Variants in JARID2 observed in about 807,000 individuals in gnomAD.
JARID2 encodes protein Jumonji.
JARID2 carries 21 observed loss-of-function variants against 125.6 expected under a neutral mutation model. The observed-to-expected ratio is 0.17, with a 90% confidence interval of 0.12 to 0.24. The LOEUF is 0.24. Among genes scored for constraint, JARID2 ranks in the 10% least tolerant of loss-of-function variants. The pLI, the probability that JARID2 is intolerant of heterozygous loss-of-function variation, is 1.00. For synonymous variants in JARID2, 736 were observed against 661.6 expected (o/e 1.11, Z -1.73); for missense variants, 1,303 against 1,639.6 (o/e 0.79, Z 3.55).
intron 7 of JARID2, among the ~76,000 whole-genome samples, chr6:15,498,941 C>T (rs996894443): frequency 6.6e-6 from 1 of 152,210 alleles, no homozygotes; most frequent in Non-Finnish European, 1.5e-5. Context: ...TTCCAAGTTT[C>T]CCTCCTCTGC....
intron 1 of JARID2, among the ~76,000 whole-genome samples, chr6:15,329,153 G>A (rs1762624372): frequency 6.6e-6 from 1 of 150,628 alleles, no homozygotes; most frequent in Admixed American, 6.6e-5. Flanking sequence ...ATTGAATGAG[G>A]CAGAAACAAA....
At chr6:15,504,662 G>A (rs891348606) in intron 9 of JARID2, 70 bp downstream of exon 9, 1 of 986,666 alleles carries the variant, frequency 1.0e-6, no homozygotes, top group Non-Finnish European at 1.6e-6. Flanking sequence ...AGGACATCCT[G>A]TCCTGCCCTG....
intron 3 of JARID2, among the ~76,000 whole-genome samples, chr6:15,450,148 CTT>C (rs760743725): frequency 2.0e-5 from 3 of 151,978 alleles, no homozygotes; most frequent in Non-Finnish European, 2.9e-5. Flanking sequence ...CATCTGCTCT[CTT>C]TTACTTACTT....
chr6:15,338,056 C>T (rs755380733), intron 1 of JARID2, among the ~76,000 whole-genome samples: 7 of 152,130 alleles, frequency 4.6e-5, no homozygotes, highest in East Asian at 1.9e-4. Context: ...CTCAGTTTGC[C>T]GACAGCAGGG....
At chr6:15,403,889 G>A (rs1765541276) in intron 2 of JARID2, among the ~76,000 whole-genome samples, 1 of 152,122 alleles carries the variant, frequency 6.6e-6, no homozygotes, top group African/African-American at 2.4e-5. Flanking sequence ...CAAATCTTGG[G>A]ACTGTTTTAA....
At chr6:15,277,706 A>G (rs562505196) in intron 1 of JARID2, among the ~76,000 whole-genome samples, 2 of 152,144 alleles carry the variant, frequency 1.3e-5, no homozygotes, top group South Asian at 4.1e-4. Context: ...TCACCTGTTT[A>G]AAAGTAGTTA....
chr6:15,280,148 T>TA (rs888508023), intron 1 of JARID2, among the ~76,000 whole-genome samples: 1 of 152,104 alleles, frequency 6.6e-6, no homozygotes, highest in Non-Finnish European at 1.5e-5. Context: ...GGTTATCCAT[T>TA]AAAAAAGGGT....
In JARID2 at chr6:15,511,288, T is replaced by C. The variant is rs781219801; in HGVS notation, c.2847-8T>C. On this transcript the variant is annotated splice_polypyrimidine_tract_variant and splice_region_variant and intron_variant, in intron 12 of 17. Transcript: ENST00000341776. Reference sequence around the variant, plus strand: ...TCTGCTTGTCTCTTGTGTCTCTCAATGACCCAGGTATTGCATTCCTGCTGA... The same window carrying C: ...TCTGCTTGTCTCTTGTGTCTCTCAACGACCCAGGTATTGCATTCCTGCTGA... 6.3e-7 allele frequency: 1 copy of C among 1,599,798 alleles called. No individual in the cohort carries two copies. The highest frequency in any genetic ancestry group is 8.6e-7 in the Non-Finnish European group (1 of 1,167,016).
Position 15,520,387 on chromosome 6 carries a change from A to G in JARID2, c.*136A>G. Reference sequence around the variant, plus strand: ...ATTTTCTTCTGGTTTTAGAGAACTAATTTTGTTTTAGCATTAAACTGTTGA... The same window carrying G: ...ATTTTCTTCTGGTTTTAGAGAACTAGTTTTGTTTTAGCATTAAACTGTTGA... On this transcript the variant is annotated 3_prime_UTR_variant, in exon 18 of 18. Transcript: ENST00000341776. 1.4e-6 allele frequency: 1 copy of G among 696,560 alleles called. No homozygotes were observed. 43.1% of individuals were successfully genotyped at this position (696,560 alleles called of 1,614,324 possible).
chr6:15,279,552 C>T (rs1211522193), intron 1 of JARID2, among the ~76,000 whole-genome samples: 1 of 152,190 alleles, frequency 6.6e-6, no homozygotes, highest in Non-Finnish European at 1.5e-5. Flanking sequence ...TTTATAAAAG[C>T]CTTTACTTCC....
intron 1 of JARID2, among the ~76,000 whole-genome samples, chr6:15,353,762 A>T (rs1237952682): frequency 6.6e-6 from 1 of 152,196 alleles, no homozygotes; most frequent in Non-Finnish European, 1.5e-5. Context: ...TTTCAATCAA[A>T]ACAATTACTT....
intron 4 of JARID2, among the ~76,000 whole-genome samples, chr6:15,457,593 A>T (rs961784174): frequency 2.0e-5 from 3 of 149,122 alleles, no homozygotes; most frequent in Non-Finnish European, 3.0e-5. Context: ...GTTGCTAAGG[A>T]TCCAGGTCTT....
chr6:15,512,197 T>C lies in JARID2; in HGVS notation c.2953-11T>C. Reference sequence around the variant, plus strand: ...AGGGAGGGGTGCCTCAGCCTGGCCCTGTCTCCCCAGATCTCCCCGGAGGTG... The same window carrying C: ...AGGGAGGGGTGCCTCAGCCTGGCCCCGTCTCCCCAGATCTCCCCGGAGGTG... On this transcript the variant is annotated splice_polypyrimidine_tract_variant and intron_variant, in intron 13 of 17. Transcript: ENST00000341776. 6.2e-7 allele frequency: 1 copy of C among 1,611,764 alleles called. No individual in the cohort carries two copies.
In JARID2 at chr6:15,522,010, A is replaced by AAAG. The variant is rs1491322041; in HGVS notation, c.*1760_*1762dup. 1.3e-5 allele frequency: 2 copies of AAAG among 152,210 alleles called. No homozygotes were observed. Among genetic ancestry groups the AAAG allele is most frequent in the African/African-American group, 4.8e-5 (2 of 41,460 alleles). The allele number at this position is 152,210 out of a possible 1,614,324, so 9.4% of individuals were successfully genotyped here. ...TACTACAAGGTTTAATAATAAAAAC[A>AAAG]AAGTTTTTTGGACATTTGTCTGTCT... On this transcript the variant is annotated 3_prime_UTR_variant, in exon 18 of 18. Transcript: ENST00000341776.
chr6:15,294,412 T>C (rs542978637), intron 1 of JARID2, among the ~76,000 whole-genome samples: 1 of 152,338 alleles, frequency 6.6e-6, no homozygotes, highest in Non-Finnish European at 1.5e-5. Context: ...CAGGATGGTC[T>C]CGATCTCCTG....
chr6:15,274,276 A>G (rs1025758411), intron 1 of JARID2, among the ~76,000 whole-genome samples: 3 of 151,964 alleles, frequency 2.0e-5, no homozygotes, highest in Non-Finnish European at 2.9e-5. Flanking sequence ...CATTAAGGAA[A>G]TTTGTCCCTT....
At chr6:15,442,919 C>T (rs1767509368) in intron 3 of JARID2, among the ~76,000 whole-genome samples, 1 of 152,136 alleles carries the variant, frequency 6.6e-6, no homozygotes, top group Non-Finnish European at 1.5e-5. Context: ...CTGCATATTA[C>T]TTTTCATACT....
At chr6:15,511,014 CT>C (rs1771252097) in intron 12 of JARID2, among the ~76,000 whole-genome samples, 1 of 152,210 alleles carries the variant, frequency 6.6e-6, no homozygotes. Flanking sequence ...GGTTTGAAGG[CT>C]TTTTGGCTCA....
chr6:15,510,955 C>T (rs917354352), intron 12 of JARID2, among the ~76,000 whole-genome samples: 9 of 152,202 alleles, frequency 5.9e-5, no homozygotes, highest in South Asian at 2.1e-4. Context: ...TCGTGGAGGC[C>T]GCAGTGTGTC....
Sources: gnomAD v4.1 joint callset for allele counts (sites outside exome capture counted in the v4.1 genomes callset) on GRCh38, gnomAD v4.1.1 for gene constraint, MANE v1.5 for transcripts, NCBI Gene and HGNC (gene_info 2026-07-23, HGNC 2026-07-21) for gene names.